Variants in ZNF75D observed in about 807,000 individuals in gnomAD.
ZNF75D encodes the protein zinc finger protein 75.
ZNF75D carries 33 observed loss-of-function variants against 33.3 expected under a neutral mutation model. The observed-to-expected ratio is 0.99, with a 90% CI of 0.75 to 1.32. ZNF75D has a LOEUF of 1.32. Ranked by LOEUF, ZNF75D falls within the 40% of genes most tolerant of loss-of-function variation. The probability of loss-of-function intolerance (pLI) is 0.00; values close to 1 mark genes in which losing one functional copy is unlikely to be tolerated. For missense variants in ZNF75D, 338 were observed against 367.5 expected, an observed-to-expected ratio of 0.92 and a Z score of 0.66; for synonymous variants, 113 against 130.6, an observed-to-expected ratio of 0.87 and a Z score of 0.92.
At chrX:135,336,833 C>T (rs1556442522) in intron 1 of ZNF75D, among the ~76,000 whole-genome samples, 1 of 112,388 alleles carries the variant, frequency 8.9e-6, no homozygotes, top group Non-Finnish European at 1.9e-5. Flanking sequence ...TCGGGGATCC[C>T]TTGACAGTGA....
At chrX:135,291,320 T>A in intron 5 of ZNF75D, 152 bp downstream of exon 5, 2 of 801,822 alleles carry the variant, frequency 2.5e-6, no homozygotes, top group Non-Finnish European at 3.6e-6. Context: ...AGGTGCCCAG[T>A]TCCCACTGTG....
intron 1 of ZNF75D, among the ~76,000 whole-genome samples, chrX:135,279,450 T>A (rs1318711061): frequency 1.8e-5 from 2 of 111,813 alleles, no homozygotes; most frequent in African/African-American, 3.3e-5. Flanking sequence ...CCTGGATTCA[T>A]TGATTTTTTG....
At chrX:135,340,112 T>C (rs1047466029) in intron 1 of ZNF75D, among the ~76,000 whole-genome samples, 5 of 112,665 alleles carry the variant, frequency 4.4e-5, no homozygotes, top group Non-Finnish European at 9.4e-5. Flanking sequence ...TGCTCCAATG[T>C]AGAAATTATG....
At chrX:135,257,296 G>A in intron 1 of ZNF75D, among the ~76,000 whole-genome samples, 1 of 112,194 alleles carries the variant, frequency 8.9e-6, no homozygotes, top group Non-Finnish European at 1.9e-5. Context: ...CTGCCCTGCA[G>A]AGTGAGCCCC....
At chrX:135,277,489 T>G (rs1335471355) in intron 1 of ZNF75D, among the ~76,000 whole-genome samples, 3 of 112,665 alleles carry the variant, frequency 2.7e-5, no homozygotes, top group Non-Finnish European at 5.6e-5. Flanking sequence ...CTCTTTAGTT[T>G]AATTAGATCA....
intron 1 of ZNF75D, among the ~76,000 whole-genome samples, chrX:135,268,480 T>A (rs1556416547): frequency 9.1e-6 from 1 of 109,469 alleles, no homozygotes; most frequent in African/African-American, 3.3e-5. Context: ...TATGAAGAAG[T>A]CAATAATTAG....
chrX:135,292,240 C>A (rs2084053520), intron 4 of ZNF75D, 41 bp downstream of exon 4: 3 of 1,161,087 alleles, frequency 2.6e-6, no homozygotes, highest in Non-Finnish European at 3.5e-6. Context: ...TAATTACTAC[C>A]ACAGCTCCCA....
intron 1 of ZNF75D, among the ~76,000 whole-genome samples, chrX:135,323,849 T>C (rs781920829): frequency 2.7e-5 from 3 of 111,728 alleles, no homozygotes; most frequent in Non-Finnish European, 5.6e-5. Context: ...AAGAGCAAGC[T>C]TTCTAGCAGA....
At chrX:135,260,936 T>A (rs1420904492) in intron 1 of ZNF75D, among the ~76,000 whole-genome samples, 4 of 112,425 alleles carry the variant, frequency 3.6e-5, no homozygotes, top group Non-Finnish European at 7.5e-5. Flanking sequence ...GGGCATTTAG[T>A]GCTATAAATT....
At chrX:135,260,095 T>C (rs111976665) in intron 1 of ZNF75D, among the ~76,000 whole-genome samples, 22,465 of 111,512 alleles carry the variant, frequency 0.2, 1,963 homozygotes, top group Middle Eastern at 0.37. Context: ...ATGAATTACA[T>C]TTATTGATTT....
At chrX:135,315,371 T>C (rs1602638339) in intron 1 of ZNF75D, among the ~76,000 whole-genome samples, 1 of 112,381 alleles carries the variant, frequency 8.9e-6, no homozygotes, top group South Asian at 3.7e-4. Context: ...ATATACTCTA[T>C]CCTGGAGAAT....
intron 1 of ZNF75D, among the ~76,000 whole-genome samples, chrX:135,300,292 T>C (rs1463557909): frequency 8.9e-6 from 1 of 111,822 alleles, no homozygotes; most frequent in Non-Finnish European, 1.9e-5. Context: ...AACTGAATGT[T>C]ATAAAGCTTC....
At chrX:135,287,914 A>T (rs917025856) in intron 6 of ZNF75D, 68 bp from the exon 7 acceptor site, 1 of 848,373 alleles carries the variant, frequency 1.2e-6, no homozygotes, top group African/African-American at 2.0e-5. Flanking sequence ...AATGGAGAGA[A>T]AAGTCAATGA....
intron 1 of ZNF75D, among the ~76,000 whole-genome samples, chrX:135,280,473 T>C (rs1245115511): frequency 8.9e-6 from 1 of 112,066 alleles, no homozygotes; most frequent in Non-Finnish European, 1.9e-5. Flanking sequence ...AATTGGGACA[T>C]TTAGCCCATT....
chrX:135,263,550 C>T (rs782202176), intron 1 of ZNF75D, among the ~76,000 whole-genome samples: 1 of 112,990 alleles, frequency 8.9e-6, no homozygotes, highest in South Asian at 3.6e-4. Context: ...AGCCAGGTTG[C>T]TGTTTCGCAG....
intron 4 of ZNF75D, 57 bp downstream of exon 4, chrX:135,292,224 G>T (rs1451230131): frequency 1.9e-5 from 21 of 1,111,862 alleles, no homozygotes; most frequent in Non-Finnish European, 2.4e-5. Flanking sequence ...GACATTCTAG[G>T]TGAACTAATT....
intron 1 of ZNF75D, among the ~76,000 whole-genome samples, chrX:135,318,944 T>C (rs1314070836): frequency 4.5e-5 from 5 of 112,219 alleles, no homozygotes; most frequent in African/African-American, 1.6e-4. Flanking sequence ...TGATATATGG[T>C]CATGAAAAAT....
chrX:135,322,995 T>G (rs781882759), intron 1 of ZNF75D, among the ~76,000 whole-genome samples: 5 of 112,507 alleles, frequency 4.4e-5, no homozygotes, highest in Non-Finnish European at 9.4e-5. Flanking sequence ...ACTGGTGTAT[T>G]TTAGCAGGTG....
At chrX:135,291,193 C>A in intron 5 of ZNF75D, 58 bp from the exon 6 acceptor site, 1 of 1,176,021 alleles carries the variant, frequency 8.5e-7, no homozygotes, top group Non-Finnish European at 1.2e-6. Context: ...TGTCCTACCA[C>A]CCATTTCTGA....
Sources: gnomAD v4.1 joint callset for allele counts (sites outside exome capture counted in the v4.1 genomes callset) on GRCh38, gnomAD v4.1.1 for gene constraint, MANE v1.5 for transcripts, NCBI Gene and HGNC (gene_info 2026-07-23, HGNC 2026-07-21) for gene names.